TLN2: variants seen among roughly 807,000 people sequenced by gnomAD.
TLN2 encodes talin 2.
In TLN2, 118 loss-of-function variants were observed where a neutral mutation model predicts 294.7. The ratio of observed to expected loss-of-function variants is 0.40; its 90% CI spans 0.34 to 0.47. TLN2 has a LOEUF of 0.47. TLN2 is among the 20% of genes least tolerant of loss of function. TLN2 has a pLI of 0.84. For missense variants in TLN2, 3,083 were observed against 3,282.2 expected (o/e 0.94, Z 1.48); for synonymous variants, 1,431 against 1,304.5 (o/e 1.10, Z -2.09).
intron 1 of TLN2, among the ~76,000 whole-genome samples, chr15:62,576,670 G>GGC (rs2044442763): frequency 1.7e-5 from 2 of 116,342 alleles, no homozygotes; most frequent in South Asian, 3.2e-4. Flanking sequence ...TCCCCCCCCC[G>GGC]CCCCCCACAT....
chr15:62,728,615 T>A (rs2060561378), intron 28 of TLN2, among the ~76,000 whole-genome samples: 1 of 152,228 alleles, frequency 6.6e-6, no homozygotes, highest in Non-Finnish European at 1.5e-5. Flanking sequence ...TGTGTAATAG[T>A]ATCACATTAT....
At chr15:62,719,093 G>T (rs900167144) in intron 24 of TLN2, among the ~76,000 whole-genome samples, 1 of 152,202 alleles carries the variant, frequency 6.6e-6, no homozygotes, top group African/African-American at 2.4e-5. Flanking sequence ...TCATTAACCA[G>T]AGAAGGAGGT....
intron 1 of TLN2, among the ~76,000 whole-genome samples, chr15:62,422,089 C>T (rs1161082557): frequency 2.0e-5 from 3 of 151,532 alleles, no homozygotes; most frequent in African/African-American, 2.4e-5. Flanking sequence ...GGTGAAACCC[C>T]GTCTGTACTA....
intron 1 of TLN2, among the ~76,000 whole-genome samples, chr15:62,535,599 C>T (rs1331162301): frequency 5.9e-5 from 9 of 151,532 alleles, no homozygotes; most frequent in South Asian, 2.1e-4. Flanking sequence ...TCTGTTGCCC[C>T]GGCCAGAGTG....
At chr15:62,681,151 C>G (rs897885734) in intron 11 of TLN2, among the ~76,000 whole-genome samples, 1 of 152,092 alleles carries the variant, frequency 6.6e-6, no homozygotes, top group African/African-American at 2.4e-5. Flanking sequence ...TAAGGAATCT[C>G]TATACTGTTT....
chr15:62,615,975 T>G (rs2048285667), intron 2 of TLN2, among the ~76,000 whole-genome samples: 1 of 152,220 alleles, frequency 6.6e-6, no homozygotes, highest in Non-Finnish European at 1.5e-5. Flanking sequence ...CCTCGCCGTT[T>G]GTATTTGTTC....
chr15:62,650,097 A>G lies in TLN2; in HGVS notation c.150A>G (p.Gly50=). 3 of 1,613,758 alleles carry G rather than the reference A, an allele frequency of 1.9e-6. No homozygotes were observed. Among genetic ancestry groups the G allele is most frequent in the South Asian group, 1.1e-5 (1 of 91,054 alleles). Residue 50 remains glycine (G), a synonymous_variant, in exon 5 of 59, where the codon GGA becomes GGG. Coordinates refer to ENST00000636159, the MANE Select transcript of TLN2 (RefSeq NM_015059.3). ...TTTATATTTCAGCTTCTGACTATGG[A>G]CTCTTTCTTTCGGATGAAGACCCGA... ...EAQTGQASDY[G]LFLSDEDPRK...
Position 62,469,831 on chromosome 15 carries a change from C to T in TLN2, c.-238+79146C>T, listed in dbSNP as rs539265687. 9.9e-5 allele frequency among the ~76,000 whole-genome samples: 15 copies of T among 152,284 alleles called. No homozygotes were observed. In the South Asian group the frequency reaches 2.9e-3, roughly 29 times the overall value. On this transcript the variant is annotated intron_variant, in intron 1 of 58. Coordinates refer to ENST00000636159, the MANE Select transcript of TLN2 (RefSeq NM_015059.3). ...CAAAAGCCAAATTAAGAATACAGAACCCACTCCTCAATATGTCACCTTCTT... is the reference window on the plus strand; with the variant it reads ...CAAAAGCCAAATTAAGAATACAGAATCCACTCCTCAATATGTCACCTTCTT...
chr15:62,579,715 G>A (rs1370535157), intron 1 of TLN2, among the ~76,000 whole-genome samples: 1 of 152,138 alleles, frequency 6.6e-6, no homozygotes, highest in East Asian at 1.9e-4. Context: ...ACAGATGACA[G>A]AGTTTCCACT....
At chr15:62,406,776 C>T (rs1296655346) in intron 1 of TLN2, among the ~76,000 whole-genome samples, 3 of 152,116 alleles carry the variant, frequency 2.0e-5, no homozygotes, top group Non-Finnish European at 4.4e-5. Context: ...GCCCTGTCTC[C>T]TGCTTCACCT....
At chr15:62,417,773 A>G (rs892431517) in intron 1 of TLN2, among the ~76,000 whole-genome samples, 2 of 152,358 alleles carry the variant, frequency 1.3e-5, no homozygotes, top group Non-Finnish European at 2.9e-5. Context: ...GGGGCATTGA[A>G]GTAGCACCAT....
chr15:62,775,194 A>G (rs2063626618), intron 42 of TLN2, among the ~76,000 whole-genome samples: 1 of 151,860 alleles, frequency 6.6e-6, no homozygotes, highest in Admixed American at 6.6e-5. Context: ...CTGACCTCGT[A>G]ATCCACCTGC....
intron 29 of TLN2, 67 bp from the exon 30 acceptor site, chr15:62,738,147 G>C: frequency 6.3e-7 from 1 of 1,578,262 alleles, no homozygotes. Context: ...ATGTTTCACT[G>C]CCCATTCCCA....
chr15:62,740,550 G>A, intron 31 of TLN2, 80 bp from the exon 32 acceptor site: 4 of 1,580,762 alleles, frequency 2.5e-6, no homozygotes, highest in South Asian at 2.3e-5. Flanking sequence ...TGCATGTCAG[G>A]ATGCTGCTCC....
At chr15:62,576,067 T>A (rs2044367811) in intron 1 of TLN2, among the ~76,000 whole-genome samples, 1 of 152,232 alleles carries the variant, frequency 6.6e-6, no homozygotes, top group South Asian at 2.1e-4. Flanking sequence ...GATTATGTGA[T>A]ATTTTATGTT....
At chr15:62,508,047 G>T (rs1036997394) in intron 1 of TLN2, among the ~76,000 whole-genome samples, 1 of 151,938 alleles carries the variant, frequency 6.6e-6, no homozygotes, top group African/African-American at 2.4e-5. Context: ...TCACCAAGAG[G>T]CTTCCATATT....
In TLN2 at chr15:62,413,621, T is replaced by G. The variant is rs7169783; in HGVS notation, c.-238+22936T>G. Among the ~76,000 whole-genome samples, 252 of 152,334 alleles carry G rather than the reference T, an allele frequency of 1.7e-3. 2 individuals are homozygous for G. Among genetic ancestry groups the G allele is most frequent in the African/African-American group, 5.9e-3 (244 of 41,566 alleles). On this transcript the variant is annotated intron_variant, in intron 1 of 58. Coordinates refer to ENST00000636159, the MANE Select transcript of TLN2 (RefSeq NM_015059.3). Reference sequence around the variant, plus strand: ...TTGTGTTCAAAGTCATGGCGTGAATTTATATGCTATTGCCAAGGTCTGCAG... The same window carrying G: ...TTGTGTTCAAAGTCATGGCGTGAATGTATATGCTATTGCCAAGGTCTGCAG...
chr15:62,637,142 A>T (rs2050458450), intron 3 of TLN2: 1 of 152,214 alleles, frequency 6.6e-6, no homozygotes, highest in Non-Finnish European at 1.5e-5. Flanking sequence ...TTATTCCCTG[A>T]TATCTAGACA....
intron 1 of TLN2, among the ~76,000 whole-genome samples, chr15:62,499,291 A>T (rs1567033563): frequency 1.3e-5 from 2 of 152,094 alleles, no homozygotes; most frequent in Admixed American, 6.5e-5. Context: ...TCTACCAAAA[A>T]ATACGAAAAT....
Sources: allele counts gnomAD v4.1 joint callset (sites outside exome capture counted in the v4.1 genomes callset), GRCh38; gene constraint gnomAD v4.1.1; transcripts MANE v1.5; gene names NCBI Gene and HGNC (gene_info 2026-07-23, HGNC 2026-07-21).